FMN2: variants seen among roughly 807,000 people sequenced by gnomAD.
FMN2 encodes the protein formin 2, also known as formin-2.
In FMN2, 51 loss-of-function variants were observed where a neutral mutation model predicts 142.3. The observed-to-expected ratio is 0.36, with a 90% CI of 0.29 to 0.45. FMN2 has a LOEUF of 0.45. FMN2 is among the 20% of genes least tolerant of loss of function. The pLI is 1.00. For synonymous variants in FMN2, 882 were observed against 869.8 expected (o/e 1.01, Z -0.25); for missense variants, 1,936 against 2,122.8 (o/e 0.91, Z 1.73).
rs138417497 is a variant in FMN2, at chr1:240,431,499, C to G, written c.4911-6562C>G. 5.3e-4 allele frequency among the ~76,000 whole-genome samples: 79 copies of G among 150,104 alleles called. No homozygotes were observed. The East Asian group carries it at 0.011, about 20-fold the overall frequency. The stretch of plus-strand genomic sequence containing the variant: ...TCCTCTATTGACTGGCTAGAGATTT[C>G]AGTACAATGTTGAATAGAATTGGGA... On this transcript the variant is annotated intron_variant, in intron 15 of 17. Coordinates refer to ENST00000319653, the MANE Select transcript of FMN2 (RefSeq NM_020066.5).
intron 6 of FMN2, among the ~76,000 whole-genome samples, chr1:240,217,234 T>C (rs1666938762): frequency 1.3e-5 from 2 of 152,238 alleles, no homozygotes; most frequent in African/African-American, 4.8e-5. Flanking sequence ...ATTGCAGATA[T>C]TCATTTTTAG....
intron 6 of FMN2, among the ~76,000 whole-genome samples, chr1:240,244,301 GAGATTTTACTAGCTTATAAGAAATTGTA>G (rs1668009173): frequency 6.6e-6 from 1 of 152,148 alleles, no homozygotes; most frequent in Non-Finnish European, 1.5e-5. Flanking sequence ...AAAAAATTGT[GAGATTTTACTAGCTTATAAGAAATTGTA>G]AGATTTTACT....
chr1:240,193,212 A>G (rs917772272), intron 4 of FMN2, among the ~76,000 whole-genome samples: 1 of 152,168 alleles, frequency 6.6e-6, no homozygotes, highest in Non-Finnish European at 1.5e-5. Flanking sequence ...TGGAGCTGAT[A>G]AAAGTTCTCT....
At chr1:240,214,732 C>T (rs1666829753) in intron 6 of FMN2, among the ~76,000 whole-genome samples, 2 of 151,898 alleles carry the variant, frequency 1.3e-5, no homozygotes, top group African/African-American at 4.8e-5. Context: ...TGTAATGACC[C>T]TAAGTCACCT....
intron 16 of FMN2, among the ~76,000 whole-genome samples, chr1:240,446,738 G>T (rs1675829226): frequency 6.6e-6 from 1 of 152,084 alleles, no homozygotes; most frequent in Non-Finnish European, 1.5e-5. Context: ...GGTTTGCGTG[G>T]ACTTCTGCTA....
chr1:240,341,580 G>A (rs1483198548), intron 13 of FMN2: 1 of 152,130 alleles, frequency 6.6e-6, no homozygotes, highest in East Asian at 1.9e-4. Flanking sequence ...ATACACATTA[G>A]CTATGACTGT....
rs1026461623 is a variant in FMN2, at chr1:240,197,080, C to T, written c.1986+8818C>T. ...GGGCTGGTCCACAGAAAGACCAAAG[C>T]ATAGTAATAGGGTTGGGACTTTCTG... On this transcript the variant is annotated intron_variant, in intron 4 of 17. Coordinates refer to ENST00000319653, the MANE Select transcript of FMN2 (RefSeq NM_020066.5). 2.0e-5 allele frequency among the ~76,000 whole-genome samples: 3 copies of T among 152,142 alleles called. No homozygotes were observed. The East Asian group carries it at 5.8e-4, about 29-fold the overall frequency.
chr1:240,237,731 T>G (rs1312489441), intron 6 of FMN2, among the ~76,000 whole-genome samples: 1 of 152,012 alleles, frequency 6.6e-6, no homozygotes, highest in Non-Finnish European at 1.5e-5. Context: ...GGCTTAGTAC[T>G]TTATCTTGGG....
chr1:240,349,952 G>GT (rs752649502), intron 13 of FMN2, among the ~76,000 whole-genome samples: 1 of 112,512 alleles, frequency 8.9e-6, no homozygotes, highest in East Asian at 2.4e-4. Flanking sequence ...GTAGTGTTCG[G>GT]TATTTTTTTT....
intron 2 of FMN2, among the ~76,000 whole-genome samples, chr1:240,169,605 C>T (rs1664621087): frequency 6.6e-6 from 1 of 152,138 alleles, no homozygotes; most frequent in African/African-American, 2.4e-5. Context: ...GCTGGGACCA[C>T]AGGAGTGTGC....
chr1:240,231,534 A>G (rs1291971253), intron 6 of FMN2, among the ~76,000 whole-genome samples: 1 of 152,228 alleles, frequency 6.6e-6, no homozygotes, highest in Non-Finnish European at 1.5e-5. Flanking sequence ...TTATTTAACT[A>G]GGAGGAAAAG....
intron 6 of FMN2, among the ~76,000 whole-genome samples, chr1:240,231,713 A>G (rs1361572201): frequency 6.6e-6 from 1 of 152,172 alleles, no homozygotes; most frequent in East Asian, 1.9e-4. Flanking sequence ...TTAGTTTGCG[A>G]GATTTTTTCT....
intron 16 of FMN2, chr1:240,459,433 T>C (rs920823839): frequency 6.6e-6 from 1 of 152,172 alleles, no homozygotes; most frequent in Non-Finnish European, 1.5e-5. Context: ...TGATTTAAGA[T>C]TGTAGGCCAG....
At chr1:240,159,913 A>ATATATATATCTGTG (rs1553334584) in intron 2 of FMN2, among the ~76,000 whole-genome samples, 1 of 97,840 alleles carries the variant, frequency 1.0e-5, no homozygotes, top group East Asian at 2.3e-4. Context: ...GTGTATATAT[A>ATATATATATCTGTG]TATATATATA....
intron 3 of FMN2, among the ~76,000 whole-genome samples, chr1:240,184,517 G>GTTTTT (rs71712034): frequency 3.3e-5 from 4 of 119,800 alleles, no homozygotes; most frequent in Admixed American, 8.9e-5. Context: ...CGCCCGGCCT[G>GTTTTT]TTTTTTTTTT....
intron 15 of FMN2, among the ~76,000 whole-genome samples, chr1:240,425,590 C>T (rs1414658): frequency 0.56 from 85,696 of 151,958 alleles, 25,459 homozygotes; most frequent in Middle Eastern, 0.66. Context: ...GTAGAATAAA[C>T]ATGAGACAGT....
intron 14 of FMN2, among the ~76,000 whole-genome samples, chr1:240,362,724 G>C (rs1466542131): frequency 6.6e-6 from 1 of 152,102 alleles, no homozygotes; most frequent in Non-Finnish European, 1.5e-5. Flanking sequence ...GGTACATTTT[G>C]ATAAGTGTGT....
rs147405715 is a variant in FMN2 at position 240,102,074 on chromosome 1, T to C, written c.1615+8350T>C. On this transcript the variant is annotated intron_variant, in intron 1 of 17. Transcript: ENST00000319653. ...ACTTCAATATACTTTAATATATTGG[T>C]TTTTGTTATGTTTTCAGTTTTTCCT... is the stretch of plus-strand genomic sequence containing the variant. 6.8e-3 allele frequency among the ~76,000 whole-genome samples: 1,040 copies of C among 152,248 alleles called. 11 individuals are homozygous for C. The highest frequency in any genetic ancestry group is 0.023 in the African/African-American group (957 of 41,538).
chr1:240,327,580 T>C (rs1327007268), intron 8 of FMN2, among the ~76,000 whole-genome samples: 1 of 152,092 alleles, frequency 6.6e-6, no homozygotes, highest in Non-Finnish European at 1.5e-5. Context: ...ATGAAGAAAA[T>C]GTGATATTTT....
Sources: allele counts gnomAD v4.1 joint callset (sites outside exome capture counted in the v4.1 genomes callset), GRCh38; gene constraint gnomAD v4.1.1; transcripts MANE v1.5; gene names NCBI Gene and HGNC (gene_info 2026-07-23, HGNC 2026-07-21).